SLC36A1: variants seen among roughly 807,000 people sequenced by gnomAD.
SLC36A1 encodes proton-coupled amino acid transporter 1.
Under a neutral mutation model 47.5 loss-of-function variants are expected in SLC36A1, and 30 were observed. That is an observed-to-expected ratio of 0.63 (90% CI 0.47 to 0.86). SLC36A1 has a LOEUF of 0.86. Ranked by LOEUF, SLC36A1 falls within the 40% of genes least tolerant of loss-of-function variation. The probability of loss-of-function intolerance (pLI) is 0.00; values close to 1 mark genes in which losing one functional copy is unlikely to be tolerated. For missense variants in SLC36A1, 517 were observed against 606.0 expected, an observed-to-expected ratio of 0.85 and a Z score of 1.54; for synonymous variants, 255 against 249.7, an observed-to-expected ratio of 1.02 and a Z score of -0.20.
the SLC36A1 span, chr5:151,378,242 G>A: frequency 1.3e-5 from 3 of 225,714 alleles, no homozygotes; most frequent in South Asian, 2.4e-4. Context: ...CAAAGTTCTG[G>A]TTCATTAAAC....
intron 1 of SLC36A1, among the ~76,000 whole-genome samples, chr5:151,449,055 G>A: frequency 6.6e-6 from 1 of 152,118 alleles, no homozygotes; most frequent in East Asian, 1.9e-4. Flanking sequence ...CCCCTGACCA[G>A]GGTCTGTTTG....
the SLC36A1 span, chr5:151,507,645 T>C: frequency 2.6e-6 from 4 of 1,552,840 alleles, no homozygotes; most frequent in Middle Eastern, 1.9e-4. Context: ...GGCCAAGTCA[T>C]GAAATTGCCC....
the SLC36A1 span, among the ~76,000 whole-genome samples, chr5:151,365,861 G>T: frequency 0.14 from 21,419 of 152,152 alleles, 4,224 homozygotes; most frequent in African/African-American, 0.44. Context: ...ACGTTGCCTG[G>T]CCCACAGTGT....
At chr5:151,549,618 AACTC>A in the SLC36A1 span, 1 of 752,378 alleles carries the variant, frequency 1.3e-6, no homozygotes, top group Non-Finnish European at 2.2e-6. Flanking sequence ...AATTGTAACT[AACTC>A]CCCATATTCT....
chr5:151,445,531 T>G (rs1476614921), upstream of SLC36A1, among the ~76,000 whole-genome samples: 3 of 152,238 alleles, frequency 2.0e-5, no homozygotes, highest in Non-Finnish European at 4.4e-5. Context: ...GCTCCATTTT[T>G]TGGAAGAGTT....
At chr5:151,499,951 A>G in the SLC36A1 span, among the ~76,000 whole-genome samples, 1 of 152,132 alleles carries the variant, frequency 6.6e-6, no homozygotes, top group Non-Finnish European at 1.5e-5. Flanking sequence ...GCGATGCTCA[A>G]AGTTGCTGTG....
chr5:151,545,831 G>C, the SLC36A1 span: 8 of 1,614,100 alleles, frequency 5.0e-6, no homozygotes, highest in African/African-American at 6.7e-5. Flanking sequence ...TCACTAATTT[G>C]GCCCACAAAA....
chr5:151,467,586 A>C lies in SLC36A1; in HGVS notation c.505-121A>C, dbSNP rs375054964. On this transcript the variant is annotated intron_variant, in intron 6 of 10. Coordinates refer to ENST00000243389, the MANE Select transcript of SLC36A1 (RefSeq NM_078483.4). ...TCTCTAAAGATGGCTCACTGGCCACAGATTCTAAAAGGCCTTGTTCACACA... is the reference window on the plus strand; with the variant it reads ...TCTCTAAAGATGGCTCACTGGCCACCGATTCTAAAAGGCCTTGTTCACACA... 2.6e-4 allele frequency: 208 copies of C among 801,590 alleles called. No homozygotes were observed. The African/African-American group carries it at 3.3e-3, about 13-fold the overall frequency. 49.7% of individuals were successfully genotyped at this position (801,590 alleles called of 1,614,324 possible). A position where few individuals can be genotyped will look rare whatever the true frequency, so the allele number is the denominator to read the frequency against.
the SLC36A1 span, among the ~76,000 whole-genome samples, chr5:151,358,199 G>A: frequency 6.6e-6 from 1 of 152,124 alleles, no homozygotes; most frequent in Non-Finnish European, 1.5e-5. Context: ...ACTAAGTTAG[G>A]TTGCAGTGTC....
At chr5:151,363,222 C>A in the SLC36A1 span, among the ~76,000 whole-genome samples, 1 of 152,288 alleles carries the variant, frequency 6.6e-6, no homozygotes, top group Middle Eastern at 3.4e-3. Context: ...GATAGCCACG[C>A]AGTGTGGGAA....
chr5:151,465,627 A>G (rs1037069901), intron 5 of SLC36A1, among the ~76,000 whole-genome samples: 2 of 152,174 alleles, frequency 1.3e-5, no homozygotes, highest in Non-Finnish European at 2.9e-5. Flanking sequence ...GGAACAAGAT[A>G]AGAGACCAGT....
chr5:151,347,394 G>A, the SLC36A1 span: 1 of 1,614,096 alleles, frequency 6.2e-7, no homozygotes, highest in Admixed American at 1.7e-5. Flanking sequence ...CTTTCAGGAG[G>A]CGACATAAGG....
At chr5:151,359,080 G>T in the SLC36A1 span, among the ~76,000 whole-genome samples, 1 of 150,558 alleles carries the variant, frequency 6.6e-6, no homozygotes, top group Non-Finnish European at 1.5e-5. Context: ...TCAATGATTC[G>T]AATGACATCA....
the SLC36A1 span, among the ~76,000 whole-genome samples, chr5:151,381,615 A>T: frequency 2.0e-5 from 3 of 152,208 alleles, no homozygotes; most frequent in African/African-American, 4.8e-5. Flanking sequence ...TCCTAAGATC[A>T]GTTCTTGCGA....
At chr5:151,547,806 A>G in the SLC36A1 span, among the ~76,000 whole-genome samples, 1 of 152,224 alleles carries the variant, frequency 6.6e-6, no homozygotes, top group Non-Finnish European at 1.5e-5. Flanking sequence ...TATGATCTCA[A>G]TATTACAAAA....
intron 10 of SLC36A1, chr5:151,480,109 G>C (rs968027964): frequency 6.7e-7 from 1 of 1,484,828 alleles, no homozygotes; most frequent in Non-Finnish European, 8.8e-7. Flanking sequence ...TTGAAAACTG[G>C]TGACATTTAG....
the SLC36A1 span, among the ~76,000 whole-genome samples, chr5:151,548,721 TCC>T: frequency 1.3e-5 from 2 of 152,150 alleles, no homozygotes; most frequent in African/African-American, 4.8e-5. Flanking sequence ...CCTCAGGTGA[TCC>T]GCCCGCCTCG....
the SLC36A1 span, among the ~76,000 whole-genome samples, chr5:151,370,100 C>T: frequency 1.3e-5 from 2 of 152,214 alleles, no homozygotes; most frequent in Non-Finnish European, 2.9e-5. Flanking sequence ...TGTGCCTGGC[C>T]TTATTTCTCA....
intron 1 of SLC36A1, among the ~76,000 whole-genome samples, chr5:151,437,789 C>G (rs977012617): frequency 6.6e-6 from 1 of 152,106 alleles, no homozygotes; most frequent in Admixed American, 6.6e-5. Flanking sequence ...TAGATTAGAA[C>G]AATGCAAATG....
Sources: gnomAD v4.1 joint callset for allele counts (sites outside exome capture counted in the v4.1 genomes callset) on GRCh38, gnomAD v4.1.1 for gene constraint, MANE v1.5 for transcripts, NCBI Gene and HGNC (gene_info 2026-07-23, HGNC 2026-07-21) for gene names.